Variants in LTBP1 observed in about 807,000 individuals in gnomAD.
LTBP1 encodes latent transforming growth factor beta binding protein 1.
In LTBP1, 129 loss-of-function variants were observed where a neutral mutation model predicts 207.6. That is an observed-to-expected ratio of 0.62 (90% CI 0.54 to 0.72). The LOEUF (loss-of-function observed/expected upper bound fraction) is 0.72, where lower values mean the gene tolerates loss of function less well. Among genes scored for constraint, LTBP1 ranks in the 30% least tolerant of loss-of-function variants. The pLI is 0.00. For synonymous variants in LTBP1, 963 were observed against 833.7 expected (o/e 1.16, Z -2.67); for missense variants, 2,281 against 2,217.2 (o/e 1.03, Z -0.58).
At chr2:32,971,291 C>G (rs1680844446) in intron 2 of LTBP1, among the ~76,000 whole-genome samples, 1 of 152,070 alleles carries the variant, frequency 6.6e-6, no homozygotes, top group Non-Finnish European at 1.5e-5. Context: ...ATTTCTTTCT[C>G]TTGCCTGATT....
intron 2 of LTBP1, among the ~76,000 whole-genome samples, chr2:32,992,468 G>A (rs1684566327): frequency 6.6e-6 from 1 of 152,214 alleles, no homozygotes; most frequent in Non-Finnish European, 1.5e-5. Flanking sequence ...TATCTTATTT[G>A]CTCAGCATGT....
chr2:33,153,494 G>C (rs2147884861), intron 5 of LTBP1, among the ~76,000 whole-genome samples: 1 of 152,186 alleles, frequency 6.6e-6, no homozygotes, highest in Middle Eastern at 3.4e-3. Context: ...ACTGAAATGA[G>C]AGCCTGCAAG....
intron 5 of LTBP1, among the ~76,000 whole-genome samples, chr2:33,151,821 TTTTGTGTGTGTGTG>T (rs1221495591): frequency 0.15 from 20,805 of 140,720 alleles, 1,790 homozygotes; most frequent in Non-Finnish European, 0.21. Flanking sequence ...TAGTATTCCA[TTTTGTGTGTGTGTG>T]TGTGTGTGTG....
At chr2:33,279,868 G>A (rs1016519428) in intron 18 of LTBP1, among the ~76,000 whole-genome samples, 171 bp from the exon 19 acceptor site, 1 of 152,132 alleles carries the variant, frequency 6.6e-6, no homozygotes, top group Non-Finnish European at 1.5e-5. Flanking sequence ...GCTTGACCAT[G>A]CATTATTGCC....
At chr2:33,100,301 T>C (rs979593843) in intron 3 of LTBP1, among the ~76,000 whole-genome samples, 1 of 152,124 alleles carries the variant, frequency 6.6e-6, no homozygotes, top group Non-Finnish European at 1.5e-5. Context: ...AGTATATACC[T>C]AGCTGCTACT....
intron 3 of LTBP1, among the ~76,000 whole-genome samples, chr2:33,086,689 C>T (rs754978592): frequency 5.3e-5 from 8 of 152,130 alleles, no homozygotes; most frequent in Non-Finnish European, 1.2e-4. Context: ...AATCCTTTAA[C>T]TATTTTTATC....
At chr2:33,231,823 C>G (rs545610167) in intron 9 of LTBP1, among the ~76,000 whole-genome samples, 17 of 152,288 alleles carry the variant, frequency 1.1e-4, no homozygotes, top group Non-Finnish European at 1.6e-4. Context: ...TAATTATGGG[C>G]TTTGTGATAC....
chr2:33,316,646 G>T (rs766177376), intron 24 of LTBP1, among the ~76,000 whole-genome samples: 2 of 152,204 alleles, frequency 1.3e-5, no homozygotes, highest in Non-Finnish European at 2.9e-5. Context: ...TAATGTGGGT[G>T]ATGAGAGATT....
intron 5 of LTBP1, among the ~76,000 whole-genome samples, chr2:33,144,485 A>G (rs79008332): frequency 0.016 from 2,422 of 152,280 alleles, 26 homozygotes; most frequent in East Asian, 0.028. Flanking sequence ...AAAAGCATTT[A>G]AACAGTGTAA....
chr2:33,326,816 A>G (rs1161753909), intron 24 of LTBP1, among the ~76,000 whole-genome samples: 1 of 151,748 alleles, frequency 6.6e-6, no homozygotes, highest in Non-Finnish European at 1.5e-5. Context: ...GTGCCACCAC[A>G]CCTGGCTAAC....
At chr2:33,200,598 A>G (rs972217733) in intron 7 of LTBP1, among the ~76,000 whole-genome samples, 15 of 152,256 alleles carry the variant, frequency 9.9e-5, no homozygotes, top group African/African-American at 3.1e-4. Context: ...ACCAAAAGCA[A>G]TGGCAACAAA....
Position 33,342,813 on chromosome 2 carries a change from C to A in LTBP1, c.3731-25C>A, listed in dbSNP as rs73925695. 7.1e-4 allele frequency: 1,143 copies of A among 1,610,500 alleles called. 7 individuals are homozygous for A. In the African/African-American group the frequency reaches 0.013, roughly 18 times the overall value. On this transcript the variant is annotated intron_variant, in intron 24 of 33. Coordinates refer to ENST00000404816, the MANE Select transcript of LTBP1 (RefSeq NM_206943.4). The stretch of plus-strand genomic sequence containing the variant: ...TTGTCAGCCTGTGTTTGTTTTGTGT[C>A]TGATGTTCCATGTCTTTTTTGCAGA...
chr2:33,012,955 C>CT lies in LTBP1; in HGVS notation c.566-7951dup, dbSNP rs1157271210. Among the ~76,000 whole-genome samples the CT allele has an allele frequency of 3.9e-5, 6 of 152,232 alleles. No homozygotes were observed. The East Asian group carries it at 1.2e-3, about 29-fold the overall frequency. On this transcript the variant is annotated intron_variant, in intron 2 of 33. Transcript: ENST00000404816. ...TAATGAAATAACGTGTTTTAATTCA[C>CT]TTTATCAATGCTTTAAAAGCTGGTA...
At chr2:33,301,481 A>G in intron 21 of LTBP1, 41 bp from the exon 22 acceptor site, 1 of 1,527,844 alleles carries the variant, frequency 6.5e-7, no homozygotes, top group Non-Finnish European at 8.8e-7. Flanking sequence ...ATGTTTTTGA[A>G]GCACCACTTC....
chr2:33,279,744 A>T (rs2093520414), intron 18 of LTBP1, among the ~76,000 whole-genome samples: 3 of 152,244 alleles, frequency 2.0e-5, no homozygotes, highest in Admixed American at 6.5e-5. Flanking sequence ...CATGTCCAGA[A>T]ATTGGCCCTA....
chr2:33,099,356 A>G (rs1200253124), intron 3 of LTBP1, among the ~76,000 whole-genome samples: 1 of 152,148 alleles, frequency 6.6e-6, no homozygotes, highest in African/African-American at 2.4e-5. Context: ...TATTTAGTTT[A>G]TTTTATTTAG....
chr2:33,047,563 A>G (rs921587976), intron 3 of LTBP1, among the ~76,000 whole-genome samples: 11 of 152,164 alleles, frequency 7.2e-5, no homozygotes, highest in African/African-American at 2.4e-4. Flanking sequence ...AATAAGTGCA[A>G]TGTGGTGCTG....
chr2:33,132,386 G>C (rs1278729358), intron 4 of LTBP1, among the ~76,000 whole-genome samples: 1 of 152,154 alleles, frequency 6.6e-6, no homozygotes, highest in Admixed American at 6.5e-5. Context: ...GCATTTAAAG[G>C]AGGGGTTACT....
rs80163321 is a variant in LTBP1 at position 33,257,364 on chromosome 2, G to A, written c.2248G>A (p.Val750Ile). The A allele has an allele frequency of 5.9e-3, 9,570 of 1,614,150 alleles. 452 individuals carry two copies. The African/African-American group carries it at 0.1, about 18-fold the overall frequency. ...TAGACGCAGGCCAATCCATCACCAT[G>A]TAGGTAAAGGACCTGTATTTGTCAA... ...VHRRRPIHHH[V>I]GKGPVFVKPK... is the part of the protein sequence containing the mutation. The change falls in exon 12 of 34, where the codon GTA (valine) becomes ATA (isoleucine). Residue 750 changes from valine to isoleucine, a missense_variant. By Grantham distance (29) the Val-to-Ile change is conservative. Around this residue, in one of 3 missense-constraint regions of LTBP1, gnomAD observed 1,671 missense variants for 1,634.8 expected, o/e 1.02. Transcript: ENST00000404816.
Sources: gnomAD v4.1 joint callset for allele counts (sites outside exome capture counted in the v4.1 genomes callset) on GRCh38, gnomAD v4.1.1 for gene constraint, gnomAD v4.1.1 regional missense constraint, MANE v1.5 for transcripts, NCBI Gene and HGNC (gene_info 2026-07-23, HGNC 2026-07-21) for gene names.